The following RAD51B variants were observed in gnomAD, a reference collection of about 807,000 sequenced individuals.
RAD51B encodes the protein RAD51 paralog B.
A neutral mutation model predicts 42.2 loss-of-function variants in RAD51B; 38 were observed. The ratio of observed to expected loss-of-function variants is 0.90; its 90% CI spans 0.70 to 1.18. The LOEUF (loss-of-function observed/expected upper bound fraction) is 1.18, where lower values mean the gene tolerates loss of function less well. Among genes scored for constraint, RAD51B ranks in the 50% most tolerant of loss-of-function variants. The pLI is 0.00. For synonymous variants in RAD51B, 154 were observed against 145.2 expected, an observed-to-expected ratio of 1.06 and a Z score of -0.43; for missense variants, 373 against 400.7, an observed-to-expected ratio of 0.93 and a Z score of 0.59.
intron 7 of RAD51B, among the ~76,000 whole-genome samples, chr14:68,209,487 T>C (rs1287447065): frequency 6.6e-6 from 1 of 152,258 alleles, no homozygotes; most frequent in East Asian, 1.9e-4. Flanking sequence ...TAAGATTCCC[T>C]TCTAGAAGAT....
chr14:68,504,260 A>G (rs1885124996), intron 10 of RAD51B, among the ~76,000 whole-genome samples: 1 of 152,104 alleles, frequency 6.6e-6, no homozygotes, highest in South Asian at 2.1e-4. Flanking sequence ...CTTCATTGAC[A>G]TATTTAGGGG....
At chr14:68,437,306 A>G (rs2085169366) in intron 9 of RAD51B, among the ~76,000 whole-genome samples, 1 of 152,230 alleles carries the variant, frequency 6.6e-6, no homozygotes, top group African/African-American at 2.4e-5. Flanking sequence ...GTGATGAATC[A>G]TAAATATCGA....
intron 8 of RAD51B, among the ~76,000 whole-genome samples, chr14:68,320,156 C>G (rs1046404282): frequency 1.3e-5 from 2 of 152,188 alleles, no homozygotes; most frequent in African/African-American, 4.8e-5. Context: ...CCCTTTCTCT[C>G]CTTGTTCTTT....
chr14:68,591,385 C>T (rs1031011721), intron 10 of RAD51B, among the ~76,000 whole-genome samples: 2 of 152,228 alleles, frequency 1.3e-5, no homozygotes, highest in Admixed American at 6.5e-5. Flanking sequence ...ATCACAGATT[C>T]ATGAATAAAG....
intron 8 of RAD51B, among the ~76,000 whole-genome samples, chr14:68,381,926 C>T (rs975422): frequency 0.85 from 129,500 of 152,176 alleles, 55,309 homozygotes; most frequent in East Asian, 0.97. Flanking sequence ...TATCACTCCA[C>T]CTGTGCTTAC....
intron 5 of RAD51B, among the ~76,000 whole-genome samples, chr14:67,877,314 G>T (rs144578861): frequency 4.7e-4 from 71 of 152,072 alleles, no homozygotes; most frequent in Middle Eastern, 6.8e-3. Flanking sequence ...AAGCAAAATG[G>T]GACTCAGAAA....
At chr14:68,427,859 A>G (rs997281770) in intron 9 of RAD51B, among the ~76,000 whole-genome samples, 1 of 152,220 alleles carries the variant, frequency 6.6e-6, no homozygotes, top group African/African-American at 2.4e-5. Flanking sequence ...ACATGTCCCA[A>G]AAAATACATG....
At chr14:68,334,863 T>C (rs1289023474) in intron 8 of RAD51B, among the ~76,000 whole-genome samples, 1 of 147,480 alleles carries the variant, frequency 6.8e-6, no homozygotes, top group East Asian at 1.9e-4. Context: ...TCATATATTT[T>C]ATGATATATA....
intron 7 of RAD51B, among the ~76,000 whole-genome samples, chr14:68,176,394 C>T (rs1437110503): frequency 6.6e-6 from 1 of 152,126 alleles, no homozygotes; most frequent in African/African-American, 2.4e-5. Flanking sequence ...TTCTCAAAGA[C>T]TTAGCTCTTA....
intron 8 of RAD51B, among the ~76,000 whole-genome samples, chr14:68,381,086 C>T (rs1388054833): frequency 6.6e-6 from 1 of 152,146 alleles, no homozygotes; most frequent in Non-Finnish European, 1.5e-5. Flanking sequence ...CCCATATATC[C>T]TGTTTTCTTT....
chr14:68,247,500 G>T (rs552802076), intron 7 of RAD51B, among the ~76,000 whole-genome samples: 1 of 152,274 alleles, frequency 6.6e-6, no homozygotes, highest in East Asian at 1.9e-4. Context: ...ATTTCCTGAT[G>T]CCTGGTTTAT....
intron 7 of RAD51B, among the ~76,000 whole-genome samples, chr14:68,215,106 G>A (rs978813669): frequency 2.0e-5 from 3 of 152,180 alleles, no homozygotes; most frequent in African/African-American, 4.8e-5. Flanking sequence ...AAGATAGTAT[G>A]TTCAATTCTC....
chr14:68,242,720 T>G (rs535747066), intron 7 of RAD51B, among the ~76,000 whole-genome samples: 27 of 152,322 alleles, frequency 1.8e-4, no homozygotes, highest in Middle Eastern at 3.4e-3. Flanking sequence ...AAATAAGTAC[T>G]TTTCACACAT....
At chr14:67,966,755 C>G (rs1361522435) in intron 7 of RAD51B, among the ~76,000 whole-genome samples, 3 of 152,176 alleles carry the variant, frequency 2.0e-5, no homozygotes, top group Non-Finnish European at 4.4e-5. Flanking sequence ...TACTCTGCCT[C>G]TCAGTTTGCA....
chr14:68,471,455 C>T (rs1481851496), intron 10 of RAD51B, among the ~76,000 whole-genome samples: 1 of 152,072 alleles, frequency 6.6e-6, no homozygotes, highest in East Asian at 1.9e-4. Context: ...TTTACCAGCT[C>T]CACAGGCCAT....
intron 7 of RAD51B, among the ~76,000 whole-genome samples, chr14:68,248,450 T>C (rs1744959): frequency 0.2 from 29,893 of 152,136 alleles, 3,372 homozygotes; most frequent in Middle Eastern, 0.37. Flanking sequence ...TGCCACTGTA[T>C]GTGAAGGATC....
chr14:67,977,866 G>T (rs1038612517), intron 7 of RAD51B, among the ~76,000 whole-genome samples: 1 of 152,122 alleles, frequency 6.6e-6, no homozygotes, highest in Non-Finnish European at 1.5e-5. Flanking sequence ...AGTTCTTTCG[G>T]CCACTTTAAA....
chr14:68,379,725 C>A (rs2083442198), intron 8 of RAD51B, among the ~76,000 whole-genome samples: 2 of 152,120 alleles, frequency 1.3e-5, no homozygotes, highest in African/African-American at 2.4e-5. Context: ...TCCATTCCTC[C>A]CATAGTATGG....
At chr14:68,502,839 G>A (rs1287024028) in intron 10 of RAD51B, among the ~76,000 whole-genome samples, 1 of 152,164 alleles carries the variant, frequency 6.6e-6, no homozygotes, top group East Asian at 1.9e-4. Context: ...GAAAAGGACA[G>A]GATCCTGTGT....
Sources: gnomAD v4.1 joint callset for allele counts (sites outside exome capture counted in the v4.1 genomes callset) on GRCh38, gnomAD v4.1.1 for gene constraint, MANE v1.5 for transcripts, NCBI Gene and HGNC (gene_info 2026-07-23, HGNC 2026-07-21) for gene names.